Variants in TMEM217 observed in about 807,000 individuals in gnomAD.
TMEM217 encodes transmembrane protein 217.
For synonymous variants in TMEM217, 76 were observed against 88.3 expected (o/e 0.86, Z 0.78); for missense variants, 204 against 248.8 (o/e 0.82, Z 1.21).
At chr6:37,243,500 TAAAG>T (rs1223615541) in intron 1 of TMEM217, among the ~76,000 whole-genome samples, 1 of 152,182 alleles carries the variant, frequency 6.6e-6, no homozygotes, top group Admixed American at 6.5e-5. Context: ...GACACTGCAG[TAAAG>T]AAAGAGTTTA....
chr6:37,257,943 T>G (rs760067872), exon 1 of TMEM217: 1 of 1,613,786 alleles, frequency 6.2e-7, no homozygotes, highest in South Asian at 1.1e-5. Flanking sequence ...AGCAAGCAGT[T>G]TTGGAAGAGG....
intron 1 of TMEM217, among the ~76,000 whole-genome samples, chr6:37,229,165 T>C (rs1764028121): frequency 6.6e-6 from 1 of 151,972 alleles, no homozygotes; most frequent in African/African-American, 2.4e-5. Context: ...GGTGTATTTG[T>C]ATTATTTATG....
chr6:37,257,569 T>G (rs1173465916), exon 1 of TMEM217: 4 of 350,734 alleles, frequency 1.1e-5, no homozygotes, highest in Admixed American at 4.6e-5. Context: ...TTACCTTACC[T>G]GCTTCTTCCC....
intron 1 of TMEM217, among the ~76,000 whole-genome samples, chr6:37,246,453 A>G (rs1765088652): frequency 6.6e-6 from 1 of 152,062 alleles, no homozygotes; most frequent in African/African-American, 2.4e-5. Context: ...CTCACATTCC[A>G]CTGGCCAGAA....
downstream of TMEM217, chr6:37,212,847 G>T (rs1243394415): frequency 4.8e-6 from 6 of 1,244,962 alleles, no homozygotes; most frequent in Non-Finnish European, 6.9e-6. Context: ...TTGAGTCCAC[G>T]TAGATGCTGA....
chr6:37,224,563 ACTCCAGG>A (rs1244858331), intron 1 of TMEM217, among the ~76,000 whole-genome samples: 1 of 151,570 alleles, frequency 6.6e-6, no homozygotes, highest in East Asian at 2.0e-4. Context: ...ACACCACTGC[ACTCCAGG>A]CTGGGTGACA....
At chr6:37,212,355 G>C (rs1263704142) in exon 4 of TMEM217, 1 of 367,336 alleles carries the variant, frequency 2.7e-6, no homozygotes, top group Non-Finnish European at 5.4e-6. Context: ...GGCAGGGTAG[G>C]GAGGGTTCCA....
chr6:37,218,394 C>A, exon 2 of TMEM217: 2 of 1,516,960 alleles, frequency 1.3e-6, no homozygotes, highest in South Asian at 2.4e-5. Flanking sequence ...CCAGGCTGGT[C>A]TTGAACTCCT....
intron 1 of TMEM217, among the ~76,000 whole-genome samples, chr6:37,234,140 C>T (rs1466787291): frequency 6.6e-6 from 1 of 150,674 alleles, no homozygotes; most frequent in Non-Finnish European, 1.5e-5. Flanking sequence ...TGCTCTGTCA[C>T]CCAGGATGGA....
chr6:37,235,646 G>A (rs978956204), intron 1 of TMEM217, among the ~76,000 whole-genome samples: 9 of 151,854 alleles, frequency 5.9e-5, no homozygotes, highest in Admixed American at 3.3e-4. Context: ...GATTACAGGC[G>A]TGAGCCACCA....
chr6:37,258,041 C>A, exon 1 of TMEM217: 1 of 1,556,070 alleles, frequency 6.4e-7, no homozygotes, highest in Non-Finnish European at 8.7e-7. Flanking sequence ...TCCCTGAATC[C>A]CGCGGGCCTG....
At chr6:37,244,497 G>C (rs764428693) in intron 1 of TMEM217, among the ~76,000 whole-genome samples, 1 of 152,096 alleles carries the variant, frequency 6.6e-6, no homozygotes, top group Non-Finnish European at 1.5e-5. Context: ...TTGAAGTCTC[G>C]TCTACCTCAA....
intron 1 of TMEM217, among the ~76,000 whole-genome samples, chr6:37,236,691 C>A (rs1043053801): frequency 6.6e-6 from 1 of 150,782 alleles, no homozygotes; most frequent in Non-Finnish European, 1.5e-5. Flanking sequence ...TTATTAATTT[C>A]TATAACAAAT....
At chr6:37,217,935 A>G (rs923868078) in exon 2 of TMEM217, 3 of 986,280 alleles carry the variant, frequency 3.0e-6, no homozygotes, top group African/African-American at 1.7e-5. Context: ...ATAAATCACA[A>G]TATCCTTTAA....
At chr6:37,226,737 T>A (rs1223838132) in intron 1 of TMEM217, among the ~76,000 whole-genome samples, 1 of 152,150 alleles carries the variant, frequency 6.6e-6, no homozygotes, top group Non-Finnish European at 1.5e-5. Flanking sequence ...AATTTTTTTG[T>A]ATTTTTAGTA....
At chr6:37,212,528 A>C in exon 4 of TMEM217, 1 of 457,942 alleles carries the variant, frequency 2.2e-6, no homozygotes, top group Non-Finnish European at 4.4e-6. Flanking sequence ...GATTCCTTGT[A>C]AAGGTTGTAT....
At chr6:37,239,873 G>C (rs574961139) in intron 1 of TMEM217, among the ~76,000 whole-genome samples, 1 of 150,812 alleles carries the variant, frequency 6.6e-6, no homozygotes, top group African/African-American at 2.5e-5. Context: ...TGGGCAACAT[G>C]GTGAGACCCC....
At chr6:37,220,504 G>A (rs1763444306) in intron 1 of TMEM217, among the ~76,000 whole-genome samples, 1 of 152,018 alleles carries the variant, frequency 6.6e-6, no homozygotes, top group Admixed American at 6.6e-5. Context: ...CTGAGCAGGT[G>A]GGGAGAAAAC....
At chr6:37,227,238 T>C (rs1458392973) in intron 1 of TMEM217, among the ~76,000 whole-genome samples, 1 of 152,140 alleles carries the variant, frequency 6.6e-6, no homozygotes, top group Non-Finnish European at 1.5e-5. Flanking sequence ...TTGATTAGAG[T>C]AGGCCTTTGG....
Sources: gnomAD v4.1 joint callset for allele counts (sites outside exome capture counted in the v4.1 genomes callset) on GRCh38, gnomAD v4.1.1 for gene constraint, MANE v1.5 for transcripts, NCBI Gene and HGNC (gene_info 2026-07-23, HGNC 2026-07-21) for gene names.